The following BMPER variants were observed in gnomAD, a reference collection of about 807,000 sequenced individuals.
The protein encoded by BMPER is BMP binding endothelial regulator.
A neutral mutation model predicts 87.3 loss-of-function variants in BMPER; 45 were observed. The observed-to-expected ratio is 0.52, with a 90% confidence interval of 0.41 to 0.66. BMPER has a LOEUF of 0.66. BMPER is among the 30% of genes least tolerant of loss of function. The probability of loss-of-function intolerance (pLI) is 0.00; values close to 1 mark genes in which losing one functional copy is unlikely to be tolerated. For missense variants in BMPER, 784 were observed against 867.5 expected, an observed-to-expected ratio of 0.90 and a Z score of 1.21; for synonymous variants, 326 against 316.2, an observed-to-expected ratio of 1.03 and a Z score of -0.33.
At chr7:34,064,625 G>C (rs1788530356) in intron 11 of BMPER, among the ~76,000 whole-genome samples, 1 of 152,208 alleles carries the variant, frequency 6.6e-6, no homozygotes, top group Non-Finnish European at 1.5e-5. Context: ...CCACCCAGCT[G>C]GAGGGGCACT....
At chr7:34,112,127 A>G (rs1562751190) in intron 13 of BMPER, among the ~76,000 whole-genome samples, 1 of 152,186 alleles carries the variant, frequency 6.6e-6, no homozygotes, top group Non-Finnish European at 1.5e-5. Flanking sequence ...CCTTTTAGCA[A>G]GTTAAAATTC....
intron 7 of BMPER, 65 bp from the exon 8 acceptor site, chr7:34,051,796 A>C (rs1392986979): frequency 3.7e-6 from 5 of 1,347,112 alleles, no homozygotes. Context: ...TGATGGAATC[A>C]CCGATGACAA....
At chr7:33,967,148 A>G (rs1414239130) in intron 4 of BMPER, among the ~76,000 whole-genome samples, 1 of 152,234 alleles carries the variant, frequency 6.6e-6, no homozygotes, top group Non-Finnish European at 1.5e-5. Context: ...ACACAGCAAG[A>G]TAAACTAAAG....
intron 13 of BMPER, among the ~76,000 whole-genome samples, chr7:34,125,817 C>T (rs541452798): frequency 6.6e-6 from 1 of 152,180 alleles, no homozygotes; most frequent in Admixed American, 6.5e-5. Flanking sequence ...GGTGGCACAG[C>T]ATTATATTTA....
intron 3 of BMPER, among the ~76,000 whole-genome samples, chr7:33,949,115 T>C (rs1784958943): frequency 6.6e-6 from 1 of 152,190 alleles, no homozygotes; most frequent in African/African-American, 2.4e-5. Context: ...CTTTTCTTAC[T>C]AATTGTCCTT....
At chr7:33,964,905 G>A (rs1159324201) in intron 3 of BMPER, among the ~76,000 whole-genome samples, 1 of 152,162 alleles carries the variant, frequency 6.6e-6, no homozygotes, top group African/African-American at 2.4e-5. Context: ...ACATGAATTG[G>A]ATTTGGTTCT....
At chr7:34,131,297 G>A (rs576445891) in intron 13 of BMPER, among the ~76,000 whole-genome samples, 29 of 152,266 alleles carry the variant, frequency 1.9e-4, no homozygotes, top group African/African-American at 6.7e-4. Flanking sequence ...CGGCAGCCAA[G>A]GCTGCAAAGG....
intron 13 of BMPER, among the ~76,000 whole-genome samples, chr7:34,120,371 A>G (rs1225250295): frequency 6.6e-6 from 1 of 150,750 alleles, no homozygotes; most frequent in Non-Finnish European, 1.5e-5. Flanking sequence ...AAAAAATACA[A>G]TGATGATTAT....
At chr7:34,102,550 C>T (rs2127983094) in intron 13 of BMPER, among the ~76,000 whole-genome samples, 1 of 152,294 alleles carries the variant, frequency 6.6e-6, no homozygotes, top group East Asian at 1.9e-4. Context: ...CAAGGCCCCT[C>T]CTAACCACAT....
chr7:33,921,857 GAACCAGACGCAAAC>G (rs1455559978), intron 2 of BMPER: 1 of 470,692 alleles, frequency 2.1e-6, no homozygotes, highest in East Asian at 7.0e-5. Flanking sequence ...GCATCTGGAG[GAACCAGACGCAAAC>G]AACGCAGAGT....
At chr7:33,918,264 C>A (rs1012882304) in intron 2 of BMPER, among the ~76,000 whole-genome samples, 1 of 152,174 alleles carries the variant, frequency 6.6e-6, no homozygotes, top group Non-Finnish European at 1.5e-5. Context: ...AATTCTTCGC[C>A]ATGTTGATTG....
chr7:34,136,030 T>G (rs1790709824), intron 13 of BMPER, among the ~76,000 whole-genome samples: 1 of 152,254 alleles, frequency 6.6e-6, no homozygotes, highest in Non-Finnish European at 1.5e-5. Flanking sequence ...CTGGACTTGC[T>G]GTTCTGTCCT....
intron 1 of BMPER, 26 bp downstream of exon 1, chr7:33,905,772 G>A: frequency 1.4e-6 from 2 of 1,383,882 alleles, no homozygotes; most frequent in Non-Finnish European, 1.9e-6. Flanking sequence ...GGAGGGACCG[G>A]CCCTCCGGGA....
intron 9 of BMPER, among the ~76,000 whole-genome samples, chr7:34,056,158 T>A (rs1444086471): frequency 6.6e-6 from 1 of 152,162 alleles, no homozygotes; most frequent in Non-Finnish European, 1.5e-5. Context: ...AAGTGTCGCA[T>A]GGTCTCACTT....
chr7:34,072,173 A>C (rs1169447822), intron 11 of BMPER, among the ~76,000 whole-genome samples: 1 of 152,208 alleles, frequency 6.6e-6, no homozygotes, highest in East Asian at 1.9e-4. Context: ...GATAGTGAGG[A>C]TGAAAGGGGA....
At chr7:34,026,105 T>A (rs1182634824) in intron 6 of BMPER, among the ~76,000 whole-genome samples, 1 of 151,978 alleles carries the variant, frequency 6.6e-6, no homozygotes, top group East Asian at 1.9e-4. Flanking sequence ...AAAAGGATAA[T>A]TCGGGATCCA....
intron 2 of BMPER, among the ~76,000 whole-genome samples, chr7:33,927,941 T>C (rs1314673362): frequency 6.6e-6 from 1 of 152,212 alleles, no homozygotes; most frequent in Non-Finnish European, 1.5e-5. Context: ...AGATTTATTA[T>C]TCATCATGTG....
chr7:34,080,504 G>A (rs1788983771), intron 12 of BMPER, among the ~76,000 whole-genome samples: 2 of 152,034 alleles, frequency 1.3e-5, no homozygotes, highest in South Asian at 2.1e-4. Context: ...ACAGTTGTGA[G>A]AGATCTACTC....
At chr7:33,939,134 A>G (rs951021654) in intron 3 of BMPER, among the ~76,000 whole-genome samples, 19 of 152,288 alleles carry the variant, frequency 1.2e-4, no homozygotes, top group Middle Eastern at 3.4e-3. Flanking sequence ...AGGTAATAGA[A>G]GTATTACTGG....
Sources: gnomAD v4.1 joint callset for allele counts (sites outside exome capture counted in the v4.1 genomes callset) on GRCh38, gnomAD v4.1.1 for gene constraint, MANE v1.5 for transcripts, NCBI Gene and HGNC (gene_info 2026-07-23, HGNC 2026-07-21) for gene names.